Variants in AIMP1 observed in about 807,000 individuals in gnomAD.
AIMP1 encodes aminoacyl tRNA synthetase complex interacting multifunctional protein 1, also known as aminoacyl tRNA synthase complex-interacting multifunctional protein 1.
A neutral mutation model predicts 33.1 loss-of-function variants in AIMP1; 24 were observed. That is an observed-to-expected ratio of 0.73 (90% CI 0.53 to 1.02). AIMP1 has a LOEUF of 1.02. Among genes scored for constraint, AIMP1 ranks in the 50% least tolerant of loss-of-function variants. AIMP1 has a pLI of 0.00. For synonymous variants in AIMP1, 120 were observed against 121.5 expected, an observed-to-expected ratio of 0.99 and a Z score of 0.08; for missense variants, 367 against 364.8, an observed-to-expected ratio of 1.01 and a Z score of -0.05.
chr4:106,318,697 A>C (rs1769084225), intron 1 of AIMP1, among the ~76,000 whole-genome samples: 1 of 152,194 alleles, frequency 6.6e-6, no homozygotes. Flanking sequence ...GTCATAACTT[A>C]ATCTTGTCAT....
intron 6 of AIMP1, among the ~76,000 whole-genome samples, chr4:106,345,461 A>C (rs1770259914): frequency 6.6e-6 from 1 of 152,220 alleles, no homozygotes; most frequent in Non-Finnish European, 1.5e-5. Context: ...ACAAAAAATA[A>C]AAATCTTATG....
chr4:106,315,754 CA>C (rs1451456843), upstream of AIMP1: 6 of 152,326 alleles, frequency 3.9e-5, no homozygotes, highest in Admixed American at 6.5e-5. Context: ...ACCTGATTTA[CA>C]GGAAAGGCGG....
At chr4:106,334,102 G>A (rs574418923) in intron 5 of AIMP1, among the ~76,000 whole-genome samples, 2 of 152,152 alleles carry the variant, frequency 1.3e-5, no homozygotes, top group South Asian at 4.2e-4. Context: ...TCAACATTAC[G>A]ATAGTTCTGC....
At chr4:106,323,621 A>G (rs74727503) in intron 1 of AIMP1, among the ~76,000 whole-genome samples, 1 of 150,370 alleles carries the variant, frequency 6.7e-6, no homozygotes, top group African/African-American at 2.4e-5. Context: ...AAAAAAAAAA[A>G]CTATGCTCTT....
intron 6 of AIMP1, among the ~76,000 whole-genome samples, chr4:106,344,286 A>G (rs1770211381): frequency 6.6e-6 from 1 of 152,116 alleles, no homozygotes; most frequent in African/African-American, 2.4e-5. Context: ...ATAGCTGCCA[A>G]ATGAACTCTT....
chr4:106,328,306 A>G, intron 4 of AIMP1, 63 bp downstream of exon 4: 1 of 1,500,684 alleles, frequency 6.7e-7, no homozygotes, highest in East Asian at 2.5e-5. Context: ...TCAAGTTTTG[A>G]TAATGATAAT....
intron 6 of AIMP1, among the ~76,000 whole-genome samples, chr4:106,342,419 G>A (rs1341755418): frequency 6.6e-6 from 1 of 152,116 alleles, no homozygotes; most frequent in African/African-American, 2.4e-5. Flanking sequence ...TTGGCTATGG[G>A]TTTGCCATAG....
intron 6 of AIMP1, among the ~76,000 whole-genome samples, chr4:106,347,127 A>C (rs1479126528): frequency 6.6e-6 from 1 of 152,106 alleles, no homozygotes; most frequent in African/African-American, 2.4e-5. Context: ...CTGCCCCTAT[A>C]ATCCAATCAC....
intron 1 of AIMP1, among the ~76,000 whole-genome samples, chr4:106,322,011 C>T (rs367866928): frequency 6.7e-6 from 1 of 148,346 alleles, no homozygotes; most frequent in South Asian, 2.1e-4. Flanking sequence ...CTCTCTGAAA[C>T]GTGCTGTGTC....
chr4:106,337,102 C>G, intron 6 of AIMP1, 65 bp downstream of exon 6: 1 of 1,407,472 alleles, frequency 7.1e-7, no homozygotes, highest in Non-Finnish European at 1.0e-6. Flanking sequence ...GTTTGTAATG[C>G]TTAAAGGTTA....
intron 2 of AIMP1, among the ~76,000 whole-genome samples, chr4:106,326,800 G>A (rs1351916975): frequency 6.6e-6 from 1 of 151,772 alleles, no homozygotes; most frequent in Non-Finnish European, 1.5e-5. Context: ...TTTTGAGACA[G>A]GGTCTTGCTC....
At chr4:106,326,784 A>G (rs958897699) in intron 2 of AIMP1, among the ~76,000 whole-genome samples, 4 of 151,768 alleles carry the variant, frequency 2.6e-5, no homozygotes, top group African/African-American at 7.3e-5. Flanking sequence ...TTATTTTTAA[A>G]AATTTTTTTG....
intron 4 of AIMP1, among the ~76,000 whole-genome samples, chr4:106,328,910 T>C (rs904064057): frequency 2.0e-5 from 3 of 152,238 alleles, no homozygotes; most frequent in African/African-American, 4.8e-5. Context: ...TCATCTTTTC[T>C]AGTTTATTTT....
chr4:106,338,699 C>A (rs1469408799), intron 6 of AIMP1, among the ~76,000 whole-genome samples: 1 of 152,222 alleles, frequency 6.6e-6, no homozygotes, highest in Non-Finnish European at 1.5e-5. Flanking sequence ...CACACAGAAT[C>A]CCCACTGGGG....
intron 4 of AIMP1, among the ~76,000 whole-genome samples, 174 bp from the exon 5 acceptor site, chr4:106,331,496 AAG>A (rs957898353): frequency 6.6e-6 from 1 of 152,208 alleles, no homozygotes; most frequent in African/African-American, 2.4e-5. Flanking sequence ...AATAGGATTC[AAG>A]ATTTTATGAC....
intron 1 of AIMP1, among the ~76,000 whole-genome samples, chr4:106,323,786 C>T (rs1351943720): frequency 1.3e-5 from 2 of 151,994 alleles, no homozygotes; most frequent in Admixed American, 6.5e-5. Context: ...GCAAGTTTTA[C>T]ATCTCTAGCA....
chr4:106,343,968 GA>G (rs964474311), intron 6 of AIMP1, among the ~76,000 whole-genome samples: 2 of 152,090 alleles, frequency 1.3e-5, no homozygotes, highest in Non-Finnish European at 2.9e-5. Flanking sequence ...TCCTCCTCTT[GA>G]AAACCCATTT....
At chr4:106,319,548 G>T (rs1016036175) in intron 1 of AIMP1, among the ~76,000 whole-genome samples, 1 of 152,022 alleles carries the variant, frequency 6.6e-6, no homozygotes, top group African/African-American at 2.4e-5. Context: ...AAAAGCTTTT[G>T]TCCTAAAAAA....
intron 1 of AIMP1, among the ~76,000 whole-genome samples, chr4:106,319,395 A>G (rs1769108938): frequency 6.6e-6 from 1 of 152,164 alleles, no homozygotes; most frequent in African/African-American, 2.4e-5. Context: ...AAGATGTACT[A>G]TAAATTCATG....
Sources: gnomAD v4.1 joint callset for allele counts (sites outside exome capture counted in the v4.1 genomes callset) on GRCh38, gnomAD v4.1.1 for gene constraint, MANE v1.5 for transcripts, NCBI Gene and HGNC (gene_info 2026-07-23, HGNC 2026-07-21) for gene names.